The following GLS variants were observed in gnomAD, a reference collection of about 807,000 sequenced individuals.
GLS encodes the protein glutaminase kidney isoform, mitochondrial.
A neutral mutation model predicts 86.7 loss-of-function variants in GLS; 36 were observed. The ratio of observed to expected loss-of-function variants is 0.42; its 90% CI spans 0.32 to 0.55. The LOEUF is 0.55. Among genes scored for constraint, GLS ranks in the 20% least tolerant of loss-of-function variants. The pLI is 0.17. For missense variants in GLS, 528 were observed against 833.4 expected, an observed-to-expected ratio of 0.63 and a Z score of 4.51; for synonymous variants, 317 against 305.9, an observed-to-expected ratio of 1.04 and a Z score of -0.38.
At position 190,895,314 on chromosome 2, in the gene GLS, T is replaced by C. The variant is rs752769714; in HGVS notation, c.483+66T>C. 8 of 665,404 alleles carry C rather than the reference T, an allele frequency of 1.2e-5. No individual in the cohort carries two copies. The highest frequency in any genetic ancestry group is 9.1e-5 in the African/African-American group (5 of 55,030). 41.2% of individuals were successfully genotyped at this position (665,404 alleles called of 1,614,324 possible). On this transcript the variant is annotated intron_variant, in intron 2 of 17. Coordinates refer to ENST00000320717, the MANE Select transcript of GLS (RefSeq NM_014905.5). The surrounding 1 kb of genome is among the most constrained non-coding windows in gnomAD (Gnocchi z 4.2). ...ATAATAATAAATATATACAGTATTATTGAAATATAGTCTTAAAGGTCGTCT... is the reference window on the plus strand; with the variant it reads ...ATAATAATAAATATATACAGTATTACTGAAATATAGTCTTAAAGGTCGTCT...
intron 7 of GLS, 26 bp downstream of exon 7, chr2:190,910,347 C>T (rs1289254064): frequency 5.2e-6 from 7 of 1,338,166 alleles, no homozygotes; most frequent in East Asian, 2.3e-5. Context: ...TTCATTTTAA[C>T]CTAGTAAAAC....
At chr2:190,937,140 A>G (rs1690294220) in intron 14 of GLS, among the ~76,000 whole-genome samples, 1 of 151,428 alleles carries the variant, frequency 6.6e-6, no homozygotes, top group Non-Finnish European at 1.5e-5. Context: ...TCTGTCATGT[A>G]GTTCAAGGGC....
At chr2:190,906,334 G>A (rs1689134512) in intron 6 of GLS, among the ~76,000 whole-genome samples, 3 of 152,038 alleles carry the variant, frequency 2.0e-5, no homozygotes, top group Non-Finnish European at 4.4e-5. Flanking sequence ...TTTCGAGGGA[G>A]ATATTTAAGA....
intron 1 of GLS, among the ~76,000 whole-genome samples, chr2:190,888,223 T>C (rs1688451482): frequency 6.6e-6 from 1 of 152,210 alleles, no homozygotes; most frequent in African/African-American, 2.4e-5. Flanking sequence ...GTAAGCACCA[T>C]TACATTGAAA....
rs747888831 is a variant in GLS at position 190,881,118 on chromosome 2, G to C, written c.34G>C (p.Asp12His). ...GCTGCGAGGCTCGGGGATGCTGCGGGACCTGCTCCTGCGGTCGCCCGCCGG... is the reference window on the plus strand; with the variant it reads ...GCTGCGAGGCTCGGGGATGCTGCGGCACCTGCTCCTGCGGTCGCCCGCCGG... ...MRLRGSGMLR[D>H]LLLRSPAGVS... The change falls in exon 1 of 18, where the codon GAC becomes CAC. Residue 12 changes from aspartate (D) to histidine (H), a missense_variant. Physicochemically the swap from Asp to His is moderately conservative, Grantham distance 81 (BLOSUM62 -1). Coordinates refer to ENST00000320717, the MANE Select transcript of GLS (RefSeq NM_014905.5). The C allele has an allele frequency of 1.9e-6, 3 of 1,561,498 alleles. No individual in the cohort carries two copies. The highest frequency in any genetic ancestry group is 1.2e-5 in the South Asian group (1 of 86,148).
At chr2:190,957,635 T>C (rs565593115) in intron 17 of GLS, among the ~76,000 whole-genome samples, 1 of 152,342 alleles carries the variant, frequency 6.6e-6, no homozygotes, top group East Asian at 1.9e-4. Flanking sequence ...TTGGATTTTG[T>C]CAAAGGCCTT....
intron 1 of GLS, among the ~76,000 whole-genome samples, chr2:190,885,484 C>T (rs1476457182): frequency 6.6e-6 from 1 of 152,178 alleles, no homozygotes; most frequent in Non-Finnish European, 1.5e-5. Flanking sequence ...GCCACCGCAC[C>T]TGGTCTGAAC....
In GLS at chr2:190,885,816, T is replaced by G. The variant is rs190700185; in HGVS notation, c.386+4346T>G. Among the ~76,000 whole-genome samples, 1,087 of 152,132 alleles carry G rather than the reference T, an allele frequency of 7.1e-3. 3 individuals are homozygous for G. The highest frequency in any genetic ancestry group is 0.014 in the Admixed American group (210 of 15,300). On this transcript the variant is annotated intron_variant, in intron 1 of 17. Transcript: ENST00000320717. ...TTTGATTTCTTCATTATTAAAAATT[T>G]TTTTCTAGGTGATGATTATCAGTGA...
chr2:190,895,103 G>A lies in GLS; in HGVS notation c.387-49G>A. 1 of 799,056 alleles carries A rather than the reference G, an allele frequency of 1.3e-6. No individual in the cohort carries two copies. The highest frequency in any genetic ancestry group is 2.2e-6 in the Non-Finnish European group (1 of 460,292). The allele number at this position is 799,056 out of a possible 1,614,324, so 49.5% of individuals were successfully genotyped here. A position where few individuals can be genotyped will look rare whatever the true frequency, so the allele number is the denominator to read the frequency against. On this transcript the variant is annotated intron_variant, in intron 1 of 17. Coordinates refer to ENST00000320717, the MANE Select transcript of GLS (RefSeq NM_014905.5). This position sits in a 1 kb window ranked among gnomAD's most constrained non-coding sequence, Gnocchi z 4.2. ...AACAATGGATTTAGTTAAAAATCCAGTAGAATGTTCATACAAGGATTAATT... is the reference window on the plus strand; with the variant it reads ...AACAATGGATTTAGTTAAAAATCCAATAGAATGTTCATACAAGGATTAATT...
chr2:190,904,964 C>T (rs1036781281), intron 5 of GLS, 40 bp from the exon 6 acceptor site: 11 of 1,150,572 alleles, frequency 9.6e-6, no homozygotes, highest in Non-Finnish European at 1.4e-5. Context: ...ACATTTTTTT[C>T]CCAGTTGATG....
chr2:190,958,226 G>A (rs1290854685), intron 17 of GLS, among the ~76,000 whole-genome samples: 1 of 152,180 alleles, frequency 6.6e-6, no homozygotes, highest in Non-Finnish European at 1.5e-5. Context: ...TTTGCATAGA[G>A]GTGTTTATAG....
chr2:190,887,788 T>C (rs1483446019), intron 1 of GLS, among the ~76,000 whole-genome samples: 1 of 152,210 alleles, frequency 6.6e-6, no homozygotes, highest in Non-Finnish European at 1.5e-5. Context: ...GAAAAACGCA[T>C]GTTCAACATT....
chr2:190,905,190 T>C lies in GLS; in HGVS notation c.979+23T>C, dbSNP rs764719781. The C allele has an allele frequency of 7.7e-6, 11 of 1,424,556 alleles. No individual in the cohort carries two copies. The highest frequency in any genetic ancestry group is 1.1e-5 in the Non-Finnish European group (11 of 1,026,254). 88.2% of individuals were successfully genotyped at this position (1,424,556 alleles called of 1,614,324 possible). A position where few individuals can be genotyped will look rare whatever the true frequency, so the allele number is the denominator to read the frequency against. ...ATGGTAAGAATTACATAAACATTGG[T>C]TGAAAAAAGAAATGTCTCATTTTCC... On this transcript the variant is annotated intron_variant, in intron 6 of 17. Coordinates refer to ENST00000320717, the MANE Select transcript of GLS (RefSeq NM_014905.5). This position sits in a 1 kb window ranked among gnomAD's most constrained non-coding sequence, Gnocchi z 4.6.
chr2:190,905,317 T>G lies in GLS; in HGVS notation c.979+150T>G. The G allele has an allele frequency of 1.7e-6, 1 of 573,692 alleles. No individual in the cohort carries two copies. The highest frequency in any genetic ancestry group is 2.9e-5 in the East Asian group (1 of 33,910). The allele number at this position is 573,692 out of a possible 1,614,324, so 35.5% of individuals were successfully genotyped here. ...TTGAGAGAGTTTCATCACCTACTTTTAAAAATGATTATTTTAGGCATCTCA... is the reference window on the plus strand; with the variant it reads ...TTGAGAGAGTTTCATCACCTACTTTGAAAAATGATTATTTTAGGCATCTCA... On this transcript the variant is annotated intron_variant, in intron 6 of 17. Transcript: ENST00000320717. This position sits in a 1 kb window ranked among gnomAD's most constrained non-coding sequence, Gnocchi z 4.6.
In GLS at chr2:190,895,287, CAAT is replaced by C. The variant is rs780216144; in HGVS notation, c.483+48_483+50del. 1.6e-5 allele frequency: 13 copies of C among 807,858 alleles called. No individual in the cohort carries two copies. The highest frequency in any genetic ancestry group is 3.2e-5 in the South Asian group (2 of 62,774). The allele number at this position is 807,858 out of a possible 1,614,324, so 50.0% of individuals were successfully genotyped here. On this transcript the variant is annotated intron_variant, in intron 2 of 17. Transcript: ENST00000320717. The surrounding 1 kb of genome is among the most constrained non-coding windows in gnomAD (Gnocchi z 4.2). Reference sequence around the variant, plus strand: ...TTTTTCTATCTTAACTTAAAAAAATCAATAATAATAAATATATACAGTATTATT... The same window carrying C: ...TTTTTCTATCTTAACTTAAAAAAATCAATAATAAATATATACAGTATTATT...
In GLS at chr2:190,953,702, G is replaced by A; in HGVS notation, c.1712+76G>A. 1 of 994,860 alleles carries A rather than the reference G, an allele frequency of 1.0e-6. No individual in the cohort carries two copies. The highest frequency in any genetic ancestry group is 1.6e-6 in the Non-Finnish European group (1 of 642,200). The allele number at this position is 994,860 out of a possible 1,614,324, so 61.6% of individuals were successfully genotyped here. ...GCTTCTGGGCGAGCAGCCATTTTAA[G>A]GTTAAAGTCTCACTTTTCTTTCCCT... On this transcript the variant is annotated intron_variant, in intron 15 of 17. Transcript: ENST00000320717. The surrounding 1 kb of genome is among the most constrained non-coding windows in gnomAD (Gnocchi z 4.0).
chr2:190,881,078 C>T lies in GLS; in HGVS notation c.-7C>T, dbSNP rs765834476. 9 of 1,553,434 alleles carry T rather than the reference C, an allele frequency of 5.8e-6. No individual in the cohort carries two copies. The highest frequency in any genetic ancestry group is 7.8e-6 in the Non-Finnish European group (9 of 1,156,838). On this transcript the variant is annotated 5_prime_UTR_variant, in exon 1 of 18. Transcript: ENST00000320717. ...CCTGTTGAGCGGGCGCTGACGGACC[C>T]GGCGGCATGATGCGGCTGCGAGGCT... is the stretch of plus-strand genomic sequence containing the variant.
rs1689730802 is a variant in GLS at position 190,921,373 on chromosome 2, A to G, written c.1130+170A>G. 6.6e-6 allele frequency among the ~76,000 whole-genome samples: 1 copy of G among 151,964 alleles called. No individual in the cohort carries two copies. Among genetic ancestry groups the G allele is most frequent in the African/African-American group, 2.4e-5 (1 of 41,434 alleles). ...ATTTCTTACAGGTAATCATACAATCAGAAGAGACCCCAAGTTTATCTCAAA... is the reference window on the plus strand; with the variant it reads ...ATTTCTTACAGGTAATCATACAATCGGAAGAGACCCCAAGTTTATCTCAAA... On this transcript the variant is annotated intron_variant, in intron 9 of 17. Transcript: ENST00000320717. The surrounding 1 kb of genome is among the most constrained non-coding windows in gnomAD (Gnocchi z 4.2).
At position 190,953,062 on chromosome 2, in the gene GLS, G is replaced by A. The variant is rs1416233798; in HGVS notation, c.1651-503G>A. On this transcript the variant is annotated intron_variant, in intron 14 of 17. Transcript: ENST00000320717. The surrounding 1 kb of genome is among the most constrained non-coding windows in gnomAD (Gnocchi z 4.0). ...AACTGAAGGCTGTCTTTCCAGTGAA[G>A]TAAAGTTTAAGATGACAGTTAACAC... is the stretch of plus-strand genomic sequence containing the variant. Among the ~76,000 whole-genome samples, 1 of 152,206 alleles carries A rather than the reference G, an allele frequency of 6.6e-6. No individual in the cohort carries two copies. The highest frequency in any genetic ancestry group is 1.9e-4 in the East Asian group (1 of 5,206).
Sources: gnomAD v4.1 joint callset for allele counts (sites outside exome capture counted in the v4.1 genomes callset) on GRCh38, gnomAD v4.1.1 for gene constraint, Gnocchi (gnomAD v3.1) non-coding constraint, MANE v1.5 for transcripts, NCBI Gene and HGNC (gene_info 2026-07-23, HGNC 2026-07-21) for gene names.